The following PARD3 variants were observed in gnomAD, a reference collection of about 807,000 sequenced individuals.
PARD3 encodes the protein partitioning defective 3 homolog.
In PARD3, 75 loss-of-function variants were observed where a neutral mutation model predicts 155.4. The observed-to-expected ratio is 0.48, with a 90% CI of 0.40 to 0.58. PARD3 has a LOEUF of 0.58. Ranked by LOEUF, PARD3 falls within the 20% of genes least tolerant of loss-of-function variation. The pLI, the probability that PARD3 is intolerant of heterozygous loss-of-function variation, is 0.00. For synonymous variants in PARD3, 576 were observed against 610.5 expected (o/e 0.94, Z 0.83); for missense variants, 1,642 against 1,721.7 (o/e 0.95, Z 0.82).
intron 2 of PARD3, among the ~76,000 whole-genome samples, chr10:34,521,179 T>G (rs2082120810): frequency 6.6e-6 from 1 of 152,166 alleles, no homozygotes; most frequent in Non-Finnish European, 1.5e-5. Flanking sequence ...ATCTCCAGCA[T>G]TTTTAGAAAA....
At chr10:34,261,849 C>A (rs980897482) in intron 22 of PARD3, among the ~76,000 whole-genome samples, 26 of 132,384 alleles carry the variant, frequency 2.0e-4, no homozygotes, top group African/African-American at 8.7e-4. Flanking sequence ...AACAAACACA[C>A]ACACACTGGA....
At chr10:34,149,331 C>A (rs1948671928) in intron 22 of PARD3, among the ~76,000 whole-genome samples, 1 of 151,984 alleles carries the variant, frequency 6.6e-6, no homozygotes, top group Non-Finnish European at 1.5e-5. Flanking sequence ...TCACAAAATT[C>A]TCTATGAACA....
chr10:34,720,582 G>C (rs1249119304), intron 1 of PARD3, among the ~76,000 whole-genome samples: 1 of 151,678 alleles, frequency 6.6e-6, no homozygotes, highest in Non-Finnish European at 1.5e-5. Flanking sequence ...CGGATCACCT[G>C]AGGTCAGGAG....
chr10:34,174,033 GT>G (rs1949922566), intron 22 of PARD3, among the ~76,000 whole-genome samples: 1 of 152,162 alleles, frequency 6.6e-6, no homozygotes, highest in Non-Finnish European at 1.5e-5. Context: ...ATATCAGCAT[GT>G]TACATGGTTG....
chr10:34,590,474 T>C (rs1287249907), intron 2 of PARD3, among the ~76,000 whole-genome samples: 3 of 152,214 alleles, frequency 2.0e-5, no homozygotes, highest in Non-Finnish European at 4.4e-5. Flanking sequence ...TAATCCATAG[T>C]TGATTGCATT....
At chr10:34,640,733 A>AAAAAAAAAAAAAAAAAC in intron 2 of PARD3, among the ~76,000 whole-genome samples, 1 of 145,588 alleles carries the variant, frequency 6.9e-6, no homozygotes, top group Non-Finnish European at 1.5e-5. Context: ...AAAAAAAAAA[A>AAAAAAAAAAAAAAAAAC]AAAGCACTTT....
chr10:34,147,891 G>C (rs1163367633), intron 22 of PARD3, among the ~76,000 whole-genome samples: 1 of 152,018 alleles, frequency 6.6e-6, no homozygotes, highest in Admixed American at 6.6e-5. Flanking sequence ...GTAAGGAAGG[G>C]GGCAGTGCCA....
chr10:34,200,041 G>A (rs185776565), intron 22 of PARD3, among the ~76,000 whole-genome samples: 36 of 152,300 alleles, frequency 2.4e-4, no homozygotes, highest in Admixed American at 9.8e-4. Context: ...AAAGAAAGTG[G>A]ATTTTTATAA....
At chr10:34,214,323 C>T (rs1170346790) in intron 22 of PARD3, among the ~76,000 whole-genome samples, 1 of 152,104 alleles carries the variant, frequency 6.6e-6, no homozygotes, top group African/African-American at 2.4e-5. Flanking sequence ...AATGTTATTG[C>T]CATTATTAGT....
At chr10:34,335,487 C>T (rs147791410) in intron 18 of PARD3, among the ~76,000 whole-genome samples, 2 of 152,030 alleles carry the variant, frequency 1.3e-5, no homozygotes, top group Non-Finnish European at 2.9e-5. Flanking sequence ...CTTAAAAGAC[C>T]TTCCTGTGAT....
At chr10:34,237,947 T>C (rs1269639639) in intron 22 of PARD3, among the ~76,000 whole-genome samples, 1 of 151,916 alleles carries the variant, frequency 6.6e-6, no homozygotes. Context: ...AACCCACAAA[T>C]AGGAATATAA....
intron 1 of PARD3, among the ~76,000 whole-genome samples, chr10:34,777,217 G>A (rs1030890050): frequency 2.6e-5 from 4 of 151,838 alleles, no homozygotes; most frequent in South Asian, 2.1e-4. Flanking sequence ...CACAAAGCAC[G>A]GACATCTTCC....
chr10:34,353,161 G>T (rs11009748), intron 14 of PARD3, among the ~76,000 whole-genome samples: 1 of 151,874 alleles, frequency 6.6e-6, no homozygotes, highest in South Asian at 2.1e-4. Context: ...CAGCCGCCCC[G>T]TCCGGGAGGG....
intron 2 of PARD3, among the ~76,000 whole-genome samples, chr10:34,623,479 C>T (rs1304537595): frequency 6.6e-6 from 1 of 152,120 alleles, no homozygotes; most frequent in African/African-American, 2.4e-5. Flanking sequence ...GAAAACAAAG[C>T]ATCTCTATTT....
chr10:34,298,618 T>C (rs1359533901), intron 20 of PARD3, among the ~76,000 whole-genome samples: 2 of 152,134 alleles, frequency 1.3e-5, no homozygotes, highest in African/African-American at 2.4e-5. Flanking sequence ...TAGCGGCTGA[T>C]GGGTACAGAG....
At chr10:34,532,789 T>A (rs1415669049) in intron 2 of PARD3, among the ~76,000 whole-genome samples, 1 of 152,248 alleles carries the variant, frequency 6.6e-6, no homozygotes, top group African/African-American at 2.4e-5. Context: ...CTTCTAACTC[T>A]ATTTTTACAC....
chr10:34,537,889 T>C (rs369011262), intron 2 of PARD3, among the ~76,000 whole-genome samples: 3 of 152,240 alleles, frequency 2.0e-5, no homozygotes, highest in African/African-American at 7.2e-5. Flanking sequence ...TAATAAGCTG[T>C]TGCTTCTTCT....
At chr10:34,127,247 G>A (rs1375236483) in intron 23 of PARD3, among the ~76,000 whole-genome samples, 1 of 152,150 alleles carries the variant, frequency 6.6e-6, no homozygotes, top group East Asian at 1.9e-4. Context: ...TGGAGGTCTC[G>A]CATGTGGATA....
At chr10:34,493,400 G>A (rs186149521) in intron 3 of PARD3, among the ~76,000 whole-genome samples, 20 of 152,014 alleles carry the variant, frequency 1.3e-4, no homozygotes, top group African/African-American at 4.3e-4. Context: ...AAATTTTCAG[G>A]AATTTCTGAG....
Sources: gnomAD v4.1 joint callset for allele counts (sites outside exome capture counted in the v4.1 genomes callset) on GRCh38, gnomAD v4.1.1 for gene constraint, MANE v1.5 for transcripts, NCBI Gene and HGNC (gene_info 2026-07-23, HGNC 2026-07-21) for gene names.